EPHA5: variants seen among roughly 807,000 people sequenced by gnomAD.
EPHA5 encodes ephrin type-A receptor 5.
EPHA5 carries 60 observed loss-of-function variants against 105.0 expected under a neutral mutation model. That is an observed-to-expected ratio of 0.57 (90% CI 0.46 to 0.71). The LOEUF (loss-of-function observed/expected upper bound fraction) is 0.71, where lower values mean the gene tolerates loss of function less well. EPHA5 is among the 30% of genes least tolerant of loss of function. The probability of loss-of-function intolerance (pLI) is 0.00; values close to 1 mark genes in which losing one functional copy is unlikely to be tolerated. For synonymous variants in EPHA5, 513 were observed against 449.1 expected, an observed-to-expected ratio of 1.14 and a Z score of -1.80; for missense variants, 1,218 against 1,274.7, an observed-to-expected ratio of 0.96 and a Z score of 0.68.
intron 5 of EPHA5, among the ~76,000 whole-genome samples, chr4:65,488,041 G>A (rs1386638134): frequency 6.6e-6 from 1 of 152,146 alleles, no homozygotes; most frequent in Non-Finnish European, 1.5e-5. Flanking sequence ...ACAGTGAGAA[G>A]TCTAACCAAT....
At chr4:65,399,522 A>T (rs576590922) in intron 8 of EPHA5, among the ~76,000 whole-genome samples, 1 of 152,328 alleles carries the variant, frequency 6.6e-6, no homozygotes, top group East Asian at 1.9e-4. Context: ...CACCCTAAGA[A>T]TCCTGTGACA....
chr4:65,370,455 G>A (rs760185722), intron 8 of EPHA5, among the ~76,000 whole-genome samples: 3 of 152,032 alleles, frequency 2.0e-5, no homozygotes, highest in Non-Finnish European at 4.4e-5. Context: ...AAACAACTTT[G>A]TTAGACGAAT....
At chr4:65,339,084 G>C (rs1721455335) in intron 14 of EPHA5, among the ~76,000 whole-genome samples, 1 of 152,078 alleles carries the variant, frequency 6.6e-6, no homozygotes, top group Non-Finnish European at 1.5e-5. Context: ...CATTTTCTTG[G>C]CATTGGCATG....
intron 15 of EPHA5, among the ~76,000 whole-genome samples, chr4:65,334,807 G>GTT (rs200508592): frequency 7.6e-6 from 1 of 130,940 alleles, no homozygotes; most frequent in African/African-American, 2.8e-5. Flanking sequence ...TAGAACATAA[G>GTT]TTTTTTTTTA....
rs1168476952 is a variant in EPHA5 at position 65,556,049 on chromosome 4, G to A, written c.910+45592C>T. Among the ~76,000 whole-genome samples, 3 of 152,048 alleles carry A rather than the reference G, an allele frequency of 2.0e-5. No homozygotes were observed. In the East Asian group the frequency reaches 5.8e-4, roughly 29 times the overall value. On this transcript the variant is annotated intron_variant, in intron 3 of 16. Transcript: ENST00000613740. Reference sequence around the variant, plus strand: ...AGAATATTCCGATGCTGATGAATGTGTGCAGAATTCATCAATTCTTATTGA... The same window carrying A: ...AGAATATTCCGATGCTGATGAATGTATGCAGAATTCATCAATTCTTATTGA...
In EPHA5 at chr4:65,323,855, T is replaced by C. The variant is rs569099353; in HGVS notation, c.*259A>G. On this transcript the variant is annotated 3_prime_UTR_variant, in exon 17 of 17. Transcript: ENST00000613740. ...TGTAGAAGTAGTGGGAAGGATTCTG[T>C]TGTTGTAACTTAAGATGATGTCTAA... is the stretch of plus-strand genomic sequence containing the variant. 12 of 300,876 alleles carry C rather than the reference T, an allele frequency of 4.0e-5. No homozygotes were observed. In the East Asian group the frequency reaches 5.1e-4, roughly 13 times the overall value. The allele number at this position is 300,876 out of a possible 1,614,324, so 18.6% of individuals were successfully genotyped here.
At chr4:65,548,998 T>A (rs1230734772) in intron 3 of EPHA5, among the ~76,000 whole-genome samples, 1 of 152,154 alleles carries the variant, frequency 6.6e-6, no homozygotes, top group Non-Finnish European at 1.5e-5. Flanking sequence ...TCTGCAGCAT[T>A]CACGAATTAA....
chr4:65,589,896 C>T (rs770970110), intron 3 of EPHA5, among the ~76,000 whole-genome samples: 1 of 152,048 alleles, frequency 6.6e-6, no homozygotes, highest in Non-Finnish European at 1.5e-5. Flanking sequence ...TTTCCACCCA[C>T]AAAATGGAAA....
At chr4:65,584,229 C>T (rs1397767065) in intron 3 of EPHA5, among the ~76,000 whole-genome samples, 2 of 151,674 alleles carry the variant, frequency 1.3e-5, no homozygotes, top group Non-Finnish European at 3.0e-5. Flanking sequence ...TCAATTTCTT[C>T]AAAATATAAT....
intron 3 of EPHA5, among the ~76,000 whole-genome samples, chr4:65,506,638 T>A (rs558460294): frequency 3.0e-5 from 4 of 133,696 alleles, no homozygotes; most frequent in Non-Finnish European, 1.7e-5. Flanking sequence ...TTTGGCTGCA[T>A]AAATGTCTTC....
chr4:65,555,579 T>A (rs1738353769), intron 3 of EPHA5, among the ~76,000 whole-genome samples: 1 of 151,984 alleles, frequency 6.6e-6, no homozygotes, highest in Non-Finnish European at 1.5e-5. Flanking sequence ...CTCCATCTTC[T>A]GTTTTCTCCA....
At position 65,644,205 on chromosome 4, in the gene EPHA5, T is replaced by TACAC. The variant is rs5858977; in HGVS notation, c.182-782_182-779dup. On this transcript the variant is annotated intron_variant, in intron 1 of 16. Coordinates refer to ENST00000613740, the MANE Select transcript of EPHA5 (RefSeq NM_001281766.3). ...CAAAAGGAAGCCATTTATGAGTATCTACACACACACACACCCCCATGCACA... is the reference window on the plus strand; with the variant it reads ...CAAAAGGAAGCCATTTATGAGTATCTACACACACACACACACACCCCCATGCACA... 4.7e-3 allele frequency among the ~76,000 whole-genome samples: 712 copies of TACAC among 151,038 alleles called. 10 individuals carry two copies. The highest frequency in any genetic ancestry group is 3.4e-3 in the Non-Finnish European group (230 of 67,444).
chr4:65,439,056 C>G (rs964729938), intron 5 of EPHA5, among the ~76,000 whole-genome samples: 1 of 152,056 alleles, frequency 6.6e-6, no homozygotes, highest in African/African-American at 2.4e-5. Flanking sequence ...GAAGTAGATA[C>G]TATCATTATG....
At chr4:65,604,530 A>G (rs1744039953) in intron 2 of EPHA5, among the ~76,000 whole-genome samples, 1 of 152,226 alleles carries the variant, frequency 6.6e-6, no homozygotes, top group South Asian at 2.1e-4. Context: ...AATTATGGCC[A>G]TAAGCCATTC....
At chr4:65,599,218 A>G (rs538065349) in intron 3 of EPHA5, among the ~76,000 whole-genome samples, 12 of 152,136 alleles carry the variant, frequency 7.9e-5, no homozygotes, top group African/African-American at 2.9e-4. Context: ...TAGGAAAGAG[A>G]TGAGAGAAAT....
intron 5 of EPHA5, among the ~76,000 whole-genome samples, chr4:65,476,540 T>C (rs1439992463): frequency 1.3e-5 from 2 of 152,212 alleles, no homozygotes; most frequent in East Asian, 3.9e-4. Flanking sequence ...TGGGAACTCA[T>C]TGACATAAAG....
At chr4:65,404,630 T>C (rs1477677952) in intron 7 of EPHA5, among the ~76,000 whole-genome samples, 151 bp from the exon 8 acceptor site, 2 of 152,188 alleles carry the variant, frequency 1.3e-5, no homozygotes, top group Non-Finnish European at 2.9e-5. Context: ...CTTAAAAGTG[T>C]GTAATTGAAA....
chr4:65,443,037 C>A (rs553224239), intron 5 of EPHA5, among the ~76,000 whole-genome samples: 1 of 152,194 alleles, frequency 6.6e-6, no homozygotes, highest in South Asian at 2.1e-4. Flanking sequence ...TCCAACAGTT[C>A]TTTTCAAAGA....
intron 3 of EPHA5, among the ~76,000 whole-genome samples, chr4:65,503,794 T>C (rs150610954): frequency 6.6e-6 from 1 of 151,700 alleles, no homozygotes; most frequent in Non-Finnish European, 1.5e-5. Context: ...CAATCACTTA[T>C]ACATTACCCG....
Sources: gnomAD v4.1 joint callset for allele counts (sites outside exome capture counted in the v4.1 genomes callset) on GRCh38, gnomAD v4.1.1 for gene constraint, MANE v1.5 for transcripts, NCBI Gene and HGNC (gene_info 2026-07-23, HGNC 2026-07-21) for gene names.